The following AGBL1 variants were observed in gnomAD, a reference collection of about 807,000 sequenced individuals.
The protein encoded by AGBL1 is AGBL carboxypeptidase 1, also known as cytosolic carboxypeptidase 4.
Under a neutral mutation model 118.9 loss-of-function variants are expected in AGBL1, and 130 were observed. The observed-to-expected ratio is 1.09, with a 90% CI of 0.95 to 1.26. The LOEUF (loss-of-function observed/expected upper bound fraction) is 1.26. Among genes scored for constraint, AGBL1 ranks in the 50% most tolerant of loss-of-function variants. AGBL1 has a pLI of 0.00. For missense variants in AGBL1, 1,584 were observed against 1,298.1 expected (o/e 1.22, Z -3.38); for synonymous variants, 555 against 478.9 (o/e 1.16, Z -2.08).
chr15:86,900,563 CTT>C (rs2080197270), intron 22 of AGBL1, among the ~76,000 whole-genome samples: 1 of 152,014 alleles, frequency 6.6e-6, no homozygotes, highest in African/African-American at 2.4e-5. Context: ...CAATTTCTAA[CTT>C]CAGTGTAATT....
At chr15:86,818,095 C>T (rs186890372) in intron 22 of AGBL1, among the ~76,000 whole-genome samples, 8 of 151,102 alleles carry the variant, frequency 5.3e-5, no homozygotes, top group Non-Finnish European at 8.9e-5. Context: ...TTTGTGTGTG[C>T]GTGTGCGTGT....
chr15:86,141,861 G>A (rs974796997), intron 1 of AGBL1, 143 bp from the exon 2 acceptor site: 118 of 784,916 alleles, frequency 1.5e-4, no homozygotes, highest in Non-Finnish European at 2.2e-4. Context: ...CTCTTACCAA[G>A]TGAATCCCCT....
chr15:86,858,124 A>T (rs2079509056), intron 22 of AGBL1, among the ~76,000 whole-genome samples: 2 of 152,162 alleles, frequency 1.3e-5, no homozygotes, highest in Non-Finnish European at 2.9e-5. Context: ...CATGCTGGGG[A>T]TACAATATCT....
At chr15:86,479,439 C>G (rs1490640867) in intron 18 of AGBL1, among the ~76,000 whole-genome samples, 1 of 152,162 alleles carries the variant, frequency 6.6e-6, no homozygotes, top group Non-Finnish European at 1.5e-5. Flanking sequence ...AGACACTTCT[C>G]AAAAGAAGAC....
intron 5 of AGBL1, among the ~76,000 whole-genome samples, chr15:86,166,739 A>G (rs978579559): frequency 3.9e-5 from 6 of 152,176 alleles, no homozygotes; most frequent in African/African-American, 1.2e-4. Flanking sequence ...TTTATTCCTG[A>G]GGATGACATG....
intron 18 of AGBL1, among the ~76,000 whole-genome samples, chr15:86,521,931 A>G (rs1227384395): frequency 1.3e-5 from 2 of 151,996 alleles, no homozygotes; most frequent in Non-Finnish European, 2.9e-5. Flanking sequence ...CATTGACCCT[A>G]CTGAGTAAAT....
At chr15:86,420,669 C>G (rs552737067) in intron 18 of AGBL1, among the ~76,000 whole-genome samples, 1 of 152,224 alleles carries the variant, frequency 6.6e-6, no homozygotes, top group South Asian at 2.1e-4. Context: ...CTCCTCTGAG[C>G]TAAAGGAGCA....
chr15:86,528,688 C>T (rs2083303988), intron 19 of AGBL1, among the ~76,000 whole-genome samples: 1 of 110,380 alleles, frequency 9.1e-6, no homozygotes, highest in Admixed American at 8.8e-5. Flanking sequence ...GCAGTAACCT[C>T]TGCAGACTTA....
At chr15:86,132,370 A>G (rs919360593) in intron 1 of AGBL1, among the ~76,000 whole-genome samples, 1 of 152,152 alleles carries the variant, frequency 6.6e-6, no homozygotes, top group Non-Finnish European at 1.5e-5. Flanking sequence ...GAAGGTAGCA[A>G]GTGGCAGCTG....
At chr15:86,180,471 A>C (rs977316609) in intron 5 of AGBL1, among the ~76,000 whole-genome samples, 1 of 152,150 alleles carries the variant, frequency 6.6e-6, no homozygotes. Context: ...CTGGATATTC[A>C]TGTGCAAATG....
intron 8 of AGBL1, 120 bp from the exon 9 acceptor site, chr15:86,257,844 A>T: frequency 2.2e-6 from 2 of 898,776 alleles, no homozygotes; most frequent in Non-Finnish European, 3.4e-6. Flanking sequence ...TTGTGCAATT[A>T]ATATTGGGCC....
intron 17 of AGBL1, among the ~76,000 whole-genome samples, chr15:86,343,361 T>C (rs956843871): frequency 1.3e-5 from 2 of 152,124 alleles, no homozygotes; most frequent in South Asian, 4.1e-4. Flanking sequence ...CTGCATCCCA[T>C]TGTCGTTTCT....
intron 22 of AGBL1, among the ~76,000 whole-genome samples, chr15:86,892,032 C>T (rs906483708): frequency 6.6e-6 from 1 of 152,134 alleles, no homozygotes; most frequent in African/African-American, 2.4e-5. Context: ...ATATCTTTTC[C>T]TTTAGACCAC....
At chr15:86,787,144 T>G (rs886690704) in intron 22 of AGBL1, among the ~76,000 whole-genome samples, 1 of 152,088 alleles carries the variant, frequency 6.6e-6, no homozygotes, top group Non-Finnish European at 1.5e-5. Flanking sequence ...ATTTAATACA[T>G]AATGTTTATA....
Position 86,994,846 on chromosome 15 carries a change from C to G in AGBL1, c.3323+6758C>G, listed in dbSNP as rs527471514. Among the ~76,000 whole-genome samples, 38 of 152,206 alleles carry G rather than the reference C, an allele frequency of 2.5e-4. No individual in the cohort carries two copies. In the South Asian group the frequency reaches 7.9e-3, roughly 32 times the overall value. On this transcript the variant is annotated intron_variant, in intron 24 of 24. Coordinates refer to the AGBL1 transcript ENST00000441037. Reference sequence around the variant, plus strand: ...TGTAAGATTTAATTTCATTTTATTTCTCAACCTTATAATGGTCGAAAGAAA... The same window carrying G: ...TGTAAGATTTAATTTCATTTTATTTGTCAACCTTATAATGGTCGAAAGAAA...
intron 21 of AGBL1, among the ~76,000 whole-genome samples, chr15:86,562,254 A>T (rs573124735): frequency 6.6e-6 from 1 of 152,202 alleles, no homozygotes; most frequent in East Asian, 1.9e-4. Context: ...GTTTTCACCC[A>T]TTCAGTATGA....
intron 5 of AGBL1, among the ~76,000 whole-genome samples, chr15:86,187,785 A>ATCCTG: frequency 6.6e-6 from 1 of 152,188 alleles, no homozygotes; most frequent in Middle Eastern, 3.4e-3. Context: ...GGTGTAGCAA[A>ATCCTG]TCCTGTCCTT....
At chr15:86,678,038 A>G (rs2085880493) in intron 22 of AGBL1, among the ~76,000 whole-genome samples, 1 of 152,206 alleles carries the variant, frequency 6.6e-6, no homozygotes, top group South Asian at 2.1e-4. Context: ...TTTATTGTGT[A>G]CCATATGATG....
At chr15:86,485,002 T>C (rs2142131164) in intron 18 of AGBL1, among the ~76,000 whole-genome samples, 1 of 152,294 alleles carries the variant, frequency 6.6e-6, no homozygotes, top group Admixed American at 6.5e-5. Context: ...TTTGGAAAAC[T>C]ATCTTTGAAC....
Sources: allele counts gnomAD v4.1 joint callset (sites outside exome capture counted in the v4.1 genomes callset), GRCh38; gene constraint gnomAD v4.1.1; transcripts MANE v1.5; gene names NCBI Gene and HGNC (gene_info 2026-07-23, HGNC 2026-07-21).